Variants in ABHD12 observed in about 807,000 individuals in gnomAD.
ABHD12 encodes the protein abhydrolase domain containing 12, lysophospholipase.
In ABHD12, 43 loss-of-function variants were observed where a neutral mutation model predicts 58.3. The observed-to-expected ratio is 0.74, with a 90% CI of 0.58 to 0.95. The LOEUF is 0.95. ABHD12 is among the 40% of genes least tolerant of loss of function. The probability of loss-of-function intolerance (pLI) is 0.00; values close to 1 mark genes in which losing one functional copy is unlikely to be tolerated. For synonymous variants in ABHD12, 219 were observed against 211.2 expected (o/e 1.04, Z -0.32); for missense variants, 539 against 537.2 (o/e 1.00, Z -0.03).
At chr20:25,316,325 A>C (rs1231990277) in intron 5 of ABHD12, among the ~76,000 whole-genome samples, 2 of 151,350 alleles carry the variant, frequency 1.3e-5, no homozygotes, top group African/African-American at 4.9e-5. Context: ...CGCCTGGCTA[A>C]TTTTTTTTGT....
chr20:25,302,346 G>A lies in ABHD12; in HGVS notation c.1030C>T (p.Leu344Phe), dbSNP rs766949743. Residue 344 changes from leucine (L) to phenylalanine (F), a missense_variant and splice_region_variant, in exon 12 of 13, where the codon CTC becomes TTC. By Grantham distance (22) the Leu-to-Phe change is conservative. Transcript: ENST00000339157. ...CGAGCTGGTGCGGCGATGCTATAGA[G>A]CTGGGGAGAGAGGGGTCAGAGCCTG... is the stretch of plus-strand genomic sequence containing the variant. ...PVVPFQLGRK[L>F]YSIAAPARSF... 1.9e-6 allele frequency: 3 copies of A among 1,613,172 alleles called. No individual in the cohort carries two copies. Among genetic ancestry groups the A allele is most frequent in the Non-Finnish European group, 2.5e-6 (3 of 1,179,894 alleles).
intron 6 of ABHD12, among the ~76,000 whole-genome samples, chr20:25,312,977 C>T (rs1354503060): frequency 3.3e-5 from 5 of 150,822 alleles, no homozygotes; most frequent in Admixed American, 6.6e-5. Context: ...GGCCAGCCCC[C>T]GACCGGCCAG....
intron 1 of ABHD12, among the ~76,000 whole-genome samples, chr20:25,367,831 T>C (rs1393720958): frequency 6.6e-6 from 1 of 152,244 alleles, no homozygotes; most frequent in African/African-American, 2.4e-5. Context: ...GTTTTAGCTA[T>C]TGTGAATAGT....
chr20:25,365,859 G>A (rs1056779148), intron 1 of ABHD12, among the ~76,000 whole-genome samples: 3 of 152,034 alleles, frequency 2.0e-5, no homozygotes, highest in Non-Finnish European at 4.4e-5. Context: ...GACCAGCCTG[G>A]ACAACATAGG....
chr20:25,359,959 T>C (rs1176578583), intron 1 of ABHD12, among the ~76,000 whole-genome samples: 2 of 152,210 alleles, frequency 1.3e-5, no homozygotes, highest in Non-Finnish European at 2.9e-5. Flanking sequence ...TTTGTCTCTT[T>C]TATTTAGGAT....
intron 1 of ABHD12, 34 bp from the exon 2 acceptor site, chr20:25,339,385 C>T: frequency 6.2e-7 from 1 of 1,613,860 alleles, no homozygotes; most frequent in Non-Finnish European, 8.5e-7. Flanking sequence ...GGTCAGAAGG[C>T]AGTAGGTGCC....
chr20:25,308,255 G>A (rs955768547), intron 8 of ABHD12, among the ~76,000 whole-genome samples: 1 of 152,234 alleles, frequency 6.6e-6, no homozygotes, highest in Non-Finnish European at 1.5e-5. Flanking sequence ...ACTTGCTGAT[G>A]CGGCTCTGGG....
chr20:25,347,931 C>G (rs2089541964), intron 1 of ABHD12, among the ~76,000 whole-genome samples: 1 of 148,430 alleles, frequency 6.7e-6, no homozygotes, highest in Non-Finnish European at 1.5e-5. Context: ...AGGAAAAAAG[C>G]CTGGGCGCAG....
At chr20:25,377,887 G>A (rs957313774) in intron 1 of ABHD12, among the ~76,000 whole-genome samples, 2 of 152,234 alleles carry the variant, frequency 1.3e-5, no homozygotes, top group Non-Finnish European at 2.9e-5. Context: ...TAGGATAGAC[G>A]GGGTTTCACC....
chr20:25,295,104 C>T, intron 12 of ABHD12: 1 of 1,430,932 alleles, frequency 7.0e-7, no homozygotes, highest in Non-Finnish European at 9.9e-7. Context: ...CGATAGTGAA[C>T]AGAAATGCAT....
intron 2 of ABHD12, among the ~76,000 whole-genome samples, chr20:25,330,327 T>G (rs377288723): frequency 6.6e-6 from 1 of 152,208 alleles, no homozygotes; most frequent in Non-Finnish European, 1.5e-5. Context: ...CCACGGAGTC[T>G]CGCTGATTGC....
intron 1 of ABHD12, among the ~76,000 whole-genome samples, chr20:25,374,192 C>T (rs2089933761): frequency 6.6e-6 from 1 of 152,040 alleles, no homozygotes; most frequent in South Asian, 2.1e-4. Flanking sequence ...TCCCAAAGTG[C>T]TAGGATTACA....
intron 9 of ABHD12, 130 bp downstream of exon 9, chr20:25,307,836 A>G (rs1446407417): frequency 7.6e-6 from 3 of 397,274 alleles, no homozygotes; most frequent in Middle Eastern, 8.5e-4. Flanking sequence ...TTAATTTTTA[A>G]TGAAATCTGT....
chr20:25,365,511 G>T (rs965448414), intron 1 of ABHD12, among the ~76,000 whole-genome samples: 4 of 152,180 alleles, frequency 2.6e-5, no homozygotes, highest in Admixed American at 1.3e-4. Context: ...CAATCAGGTG[G>T]TTTCCAGCAA....
At chr20:25,317,656 AGG>A (rs1202752653) in intron 4 of ABHD12, among the ~76,000 whole-genome samples, 3 of 152,236 alleles carry the variant, frequency 2.0e-5, no homozygotes, top group Non-Finnish European at 4.4e-5. Flanking sequence ...GAATCTCCCC[AGG>A]GAGGCCCTGA....
chr20:25,327,376 A>T (rs7263135), intron 2 of ABHD12, among the ~76,000 whole-genome samples: 3,304 of 152,036 alleles, frequency 0.022, 116 homozygotes, highest in African/African-American at 0.076. Flanking sequence ...CTGAGGCAAG[A>T]GAATTGCTTG....
chr20:25,305,885 G>T (rs189218180), intron 10 of ABHD12, among the ~76,000 whole-genome samples: 8 of 152,194 alleles, frequency 5.3e-5, no homozygotes, highest in Admixed American at 2.6e-4. Context: ...GTCAGTATCA[G>T]CAGGGCTCAG....
Position 25,323,507 on chromosome 20 carries a change from A to C in ABHD12, c.317-77T>G, listed in dbSNP as rs946228484. 5.3e-5 allele frequency: 47 copies of C among 888,300 alleles called. No homozygotes were observed. The Admixed American group carries it at 6.2e-4, about 12-fold the overall frequency. 55.0% of individuals were successfully genotyped at this position (888,300 alleles called of 1,614,324 possible). A position where few individuals can be genotyped will look rare whatever the true frequency, so the allele number is the denominator to read the frequency against. On this transcript the variant is annotated intron_variant, in intron 2 of 12. Transcript: ENST00000339157. ...CATGTACACACAAACATGCATACTCACACACGTGCACAGATATGCATCCAC... is the reference window on the plus strand; with the variant it reads ...CATGTACACACAAACATGCATACTCCCACACGTGCACAGATATGCATCCAC...
At chr20:25,317,975 T>C (rs942233676) in intron 4 of ABHD12, among the ~76,000 whole-genome samples, 1 of 152,100 alleles carries the variant, frequency 6.6e-6, no homozygotes, top group South Asian at 2.1e-4. Flanking sequence ...GTGTTGCTGG[T>C]TGGACACCAG....
Sources: gnomAD v4.1 joint callset for allele counts (sites outside exome capture counted in the v4.1 genomes callset) on GRCh38, gnomAD v4.1.1 for gene constraint, MANE v1.5 for transcripts, NCBI Gene and HGNC (gene_info 2026-07-23, HGNC 2026-07-21) for gene names.